The following FAT3 variants were observed in gnomAD, a reference collection of about 807,000 sequenced individuals.
FAT3 encodes protocadherin Fat 3.
FAT3 carries 95 observed loss-of-function variants against 310.2 expected under a neutral mutation model. The ratio of observed to expected loss-of-function variants is 0.31; its 90% CI spans 0.26 to 0.36. The LOEUF (loss-of-function observed/expected upper bound fraction) is 0.36. Ranked by LOEUF, FAT3 falls within the 10% of genes least tolerant of loss-of-function variation. The pLI is 1.00. For missense variants in FAT3, 5,408 were observed against 5,715.6 expected (o/e 0.95, Z 1.74); for synonymous variants, 2,314 against 2,192.9 (o/e 1.06, Z -1.54).
chr11:92,382,787 A>G (rs1949527040), intron 2 of FAT3, among the ~76,000 whole-genome samples: 1 of 152,222 alleles, frequency 6.6e-6, no homozygotes, highest in African/African-American at 2.4e-5. Context: ...TGGAGTCAGC[A>G]GGTATGGGTA....
At chr11:92,510,026 A>G (rs1487151651) in intron 2 of FAT3, among the ~76,000 whole-genome samples, 1 of 152,078 alleles carries the variant, frequency 6.6e-6, no homozygotes, top group East Asian at 1.9e-4. Flanking sequence ...CTGTTTATCT[A>G]TGTATCTATC....
intron 3 of FAT3, among the ~76,000 whole-genome samples, chr11:92,558,585 GT>G (rs1282663696): frequency 6.6e-6 from 1 of 152,116 alleles, no homozygotes; most frequent in Non-Finnish European, 1.5e-5. Context: ...GCTGTCTCTG[GT>G]TATCATACTA....
chr11:92,708,957 C>G (rs1036495941), intron 4 of FAT3, among the ~76,000 whole-genome samples: 1 of 152,220 alleles, frequency 6.6e-6, no homozygotes, highest in East Asian at 1.9e-4. Context: ...TAGATCTCTA[C>G]TATTGGATCC....
intron 2 of FAT3, among the ~76,000 whole-genome samples, chr11:92,381,478 A>C (rs1194530499): frequency 1.3e-5 from 2 of 152,082 alleles, no homozygotes; most frequent in East Asian, 3.9e-4. Context: ...ACGCCATTGC[A>C]CTCTAGCCTG....
intron 1 of FAT3, among the ~76,000 whole-genome samples, chr11:92,326,586 G>GTAGTTGATGGTGGA (rs1591112353): frequency 6.6e-6 from 1 of 152,348 alleles, no homozygotes; most frequent in African/African-American, 2.4e-5. Context: ...CAGGATGGTT[G>GTAGTTGATGGTGGA]TAGTTGATGG....
chr11:92,324,054 T>C (rs1398125128), intron 1 of FAT3, among the ~76,000 whole-genome samples: 2 of 152,192 alleles, frequency 1.3e-5, no homozygotes, highest in Admixed American at 6.5e-5. Context: ...TCAGCCTTCA[T>C]AGAATTGAAG....
chr11:92,800,024 T>C lies in FAT3; in HGVS notation c.7011T>C (p.Phe2337=). 1 of 1,613,970 alleles carries C rather than the reference T, an allele frequency of 6.2e-7. No homozygotes were observed. Among genetic ancestry groups the C allele is most frequent in the Non-Finnish European group, 8.5e-7 (1 of 1,179,862 alleles). The part of the protein sequence containing the change: ...VQDTYNSTDY[F]HIDSSSGLIL... ...ATACCTACAATAGCACAGATTATTTTCACATAGATAGCTCAAGTGGCTTAA... is the reference window on the plus strand; with the variant it reads ...ATACCTACAATAGCACAGATTATTTCCACATAGATAGCTCAAGTGGCTTAA... The change falls in exon 10 of 28, where the codon TTT becomes TTC. Residue 2337 remains phenylalanine, a synonymous_variant. Transcript: ENST00000525166.
chr11:92,825,496 C>G (rs1016103321), intron 13 of FAT3, among the ~76,000 whole-genome samples: 4 of 152,048 alleles, frequency 2.6e-5, no homozygotes, highest in Admixed American at 2.6e-4. Context: ...AGGATTTTGA[C>G]AAGAGAAAGA....
chr11:92,235,393 A>G (rs1285548089), intron 1 of FAT3, among the ~76,000 whole-genome samples: 1 of 152,074 alleles, frequency 6.6e-6, no homozygotes, highest in Admixed American at 6.6e-5. Context: ...AGGTCCCCCT[A>G]CACTTTGTGG....
At chr11:92,540,593 A>T (rs1408153177) in intron 3 of FAT3, among the ~76,000 whole-genome samples, 1 of 152,192 alleles carries the variant, frequency 6.6e-6, no homozygotes, top group Non-Finnish European at 1.5e-5. Flanking sequence ...TGACCATGAC[A>T]GATCTCTTGG....
intron 1 of FAT3, among the ~76,000 whole-genome samples, chr11:92,269,516 T>C (rs1335774382): frequency 6.6e-6 from 1 of 152,202 alleles, no homozygotes; most frequent in Non-Finnish European, 1.5e-5. Context: ...ACTTTTTTGC[T>C]TTTCAACTGA....
intron 4 of FAT3, among the ~76,000 whole-genome samples, chr11:92,736,701 A>G (rs1334759680): frequency 6.6e-6 from 1 of 152,190 alleles, no homozygotes. Flanking sequence ...TTTCATTTTT[A>G]GGAAGAAAGT....
chr11:92,650,103 T>C (rs117275119), intron 3 of FAT3, among the ~76,000 whole-genome samples: 1 of 121,448 alleles, frequency 8.2e-6, no homozygotes, highest in Non-Finnish European at 1.8e-5. Context: ...TAGGAGCTGA[T>C]TGAAATGCCA....
intron 2 of FAT3, among the ~76,000 whole-genome samples, chr11:92,393,908 T>C (rs139168884): frequency 1.2e-4 from 18 of 152,298 alleles, no homozygotes; most frequent in Non-Finnish European, 2.2e-4. Flanking sequence ...CTTGTTATGT[T>C]GTAATATCTC....
chr11:92,406,339 G>T (rs930178149), intron 2 of FAT3, among the ~76,000 whole-genome samples: 1 of 152,146 alleles, frequency 6.6e-6, no homozygotes, highest in African/African-American at 2.4e-5. Context: ...AGCTATTTTA[G>T]GGGTTATTAG....
chr11:92,626,471 C>CG, intron 3 of FAT3, among the ~76,000 whole-genome samples: 1 of 145,516 alleles, frequency 6.9e-6, no homozygotes, highest in South Asian at 2.2e-4. Context: ...TAGCGTATCT[C>CG]TTTTTTTTTT....
chr11:92,716,722 C>G (rs1944701598), intron 4 of FAT3, among the ~76,000 whole-genome samples: 1 of 152,104 alleles, frequency 6.6e-6, no homozygotes, highest in African/African-American at 2.4e-5. Flanking sequence ...ACCAGGGTCA[C>G]TTTGATGAAT....
At chr11:92,531,882 A>G (rs1001429372) in intron 3 of FAT3, among the ~76,000 whole-genome samples, 2 of 151,982 alleles carry the variant, frequency 1.3e-5, no homozygotes, top group African/African-American at 4.8e-5. Flanking sequence ...TATATGTTAT[A>G]TAAGATGTTC....
At chr11:92,363,763 G>A (rs867689331) in intron 2 of FAT3, among the ~76,000 whole-genome samples, 39 of 152,276 alleles carry the variant, frequency 2.6e-4, no homozygotes, top group African/African-American at 8.9e-4. Flanking sequence ...TTATGATCAA[G>A]TGACAGCAGA....
Sources: allele counts gnomAD v4.1 joint callset (sites outside exome capture counted in the v4.1 genomes callset), GRCh38; gene constraint gnomAD v4.1.1; transcripts MANE v1.5; gene names NCBI Gene and HGNC (gene_info 2026-07-23, HGNC 2026-07-21).